The following DGKB variants were observed in gnomAD, a reference collection of about 807,000 sequenced individuals.
The protein encoded by DGKB is diacylglycerol kinase beta.
DGKB carries 67 observed loss-of-function variants against 114.3 expected under a neutral mutation model. The observed-to-expected ratio is 0.59, with a 90% CI of 0.48 to 0.72. The LOEUF is 0.72. Among genes scored for constraint, DGKB ranks in the 30% least tolerant of loss-of-function variants. The pLI is 0.00. For missense variants in DGKB, 907 were observed against 975.2 expected (o/e 0.93, Z 0.93); for synonymous variants, 398 against 323.1 (o/e 1.23, Z -2.49).
chr7:14,611,500 T>A (rs973178258), intron 16 of DGKB, among the ~76,000 whole-genome samples: 1 of 152,168 alleles, frequency 6.6e-6, no homozygotes, highest in Non-Finnish European at 1.5e-5. Context: ...GATCACCTTG[T>A]GAAAGGTGCC....
At chr7:14,639,438 C>T (rs34691158) in intron 13 of DGKB, among the ~76,000 whole-genome samples, 43,200 of 152,134 alleles carry the variant, frequency 0.28, 7,909 homozygotes, top group Non-Finnish European at 0.4. Context: ...TAGCTCAAAG[C>T]AGATCCTTTG....
chr7:14,848,510 T>C (rs999881717), intron 1 of DGKB, among the ~76,000 whole-genome samples: 1 of 152,204 alleles, frequency 6.6e-6, no homozygotes, highest in Non-Finnish European at 1.5e-5. Context: ...AGAGGTATAA[T>C]ATTATCAGTT....
chr7:14,790,684 C>G (rs1840546701), intron 2 of DGKB, among the ~76,000 whole-genome samples: 1 of 152,094 alleles, frequency 6.6e-6, no homozygotes, highest in Non-Finnish European at 1.5e-5. Context: ...CTGCAAATAT[C>G]ACAGGCTTCA....
chr7:14,767,151 G>GA (rs965303515), intron 2 of DGKB, among the ~76,000 whole-genome samples: 199 of 149,704 alleles, frequency 1.3e-3, no homozygotes, highest in African/African-American at 4.5e-3. Context: ...TAAAAAAAGA[G>GA]AAAAAAAACA....
chr7:14,463,921 C>A (rs1833451929), intron 21 of DGKB, among the ~76,000 whole-genome samples: 1 of 151,948 alleles, frequency 6.6e-6, no homozygotes, highest in Non-Finnish European at 1.5e-5. Flanking sequence ...GGACACACAA[C>A]TTACACGTTA....
At chr7:14,727,752 C>T (rs1257199356) in intron 5 of DGKB, among the ~76,000 whole-genome samples, 1 of 152,076 alleles carries the variant, frequency 6.6e-6, no homozygotes, top group African/African-American at 2.4e-5. Context: ...ATTGTGGAAA[C>T]TGAAATAACT....
intron 21 of DGKB, among the ~76,000 whole-genome samples, chr7:14,471,633 A>G (rs146524712): frequency 5.3e-5 from 8 of 151,880 alleles, no homozygotes; most frequent in African/African-American, 1.7e-4. Context: ...CTTGAAGGTT[A>G]TGTACGTAAA....
chr7:14,541,604 A>G (rs1793463137), intron 20 of DGKB, among the ~76,000 whole-genome samples: 1 of 152,238 alleles, frequency 6.6e-6, no homozygotes, highest in Admixed American at 6.5e-5. Context: ...TTATTTTTAG[A>G]GAACCACATA....
intron 23 of DGKB, among the ~76,000 whole-genome samples, chr7:14,186,782 G>A (rs893511642): frequency 2.6e-5 from 4 of 152,090 alleles, no homozygotes; most frequent in South Asian, 2.1e-4. Flanking sequence ...AAAACCAAAC[G>A]TCGTATGTTC....
At chr7:14,359,336 T>C (rs1169294688) in intron 21 of DGKB, among the ~76,000 whole-genome samples, 1 of 152,098 alleles carries the variant, frequency 6.6e-6, no homozygotes, top group African/African-American at 2.4e-5. Flanking sequence ...ATTAAAGACT[T>C]AAATGTTAGA....
intron 1 of DGKB, among the ~76,000 whole-genome samples, chr7:14,944,214 G>T (rs567561748): frequency 4.6e-5 from 7 of 151,918 alleles, no homozygotes; most frequent in Non-Finnish European, 1.0e-4. Context: ...GAGAACTGCA[G>T]AGACTAACCA....
chr7:14,439,141 A>G (rs1829703979), intron 21 of DGKB, among the ~76,000 whole-genome samples: 1 of 152,136 alleles, frequency 6.6e-6, no homozygotes, highest in Admixed American at 6.6e-5. Context: ...AGGAGGAGTT[A>G]CTTTCATTAC....
At chr7:14,200,765 A>G (rs1785744058) in intron 23 of DGKB, among the ~76,000 whole-genome samples, 1 of 152,002 alleles carries the variant, frequency 6.6e-6, no homozygotes, top group South Asian at 2.1e-4. Flanking sequence ...AAAAAACGTA[A>G]TGTAGCATTG....
At chr7:14,299,780 G>C (rs1803193290) in intron 23 of DGKB, among the ~76,000 whole-genome samples, 1 of 152,014 alleles carries the variant, frequency 6.6e-6, no homozygotes, top group Non-Finnish European at 1.5e-5. Context: ...CTCCCACTTT[G>C]TTACACATCC....
At chr7:14,258,174 T>C (rs1241730806) in intron 23 of DGKB, among the ~76,000 whole-genome samples, 1 of 152,222 alleles carries the variant, frequency 6.6e-6, no homozygotes, top group African/African-American at 2.4e-5. Flanking sequence ...TAAGTTTTAT[T>C]CAACATTCAC....
intron 25 of DGKB, among the ~76,000 whole-genome samples, chr7:14,166,051 T>C (rs1398905518): frequency 6.6e-6 from 1 of 152,216 alleles, no homozygotes; most frequent in East Asian, 1.9e-4. Flanking sequence ...CTTTGTTTCA[T>C]GACCTTGGAC....
At chr7:14,621,667 T>G (rs1423600446) in intron 14 of DGKB, among the ~76,000 whole-genome samples, 173 bp from the exon 15 acceptor site, 1 of 152,096 alleles carries the variant, frequency 6.6e-6, no homozygotes, top group Non-Finnish European at 1.5e-5. Flanking sequence ...GCTCAATATA[T>G]ATGATAGCTT....
intron 1 of DGKB, among the ~76,000 whole-genome samples, chr7:14,926,320 T>C (rs1784750552): frequency 6.6e-6 from 1 of 152,056 alleles, no homozygotes; most frequent in Non-Finnish European, 1.5e-5. Flanking sequence ...TTGACTTTCT[T>C]TTCTCATTTA....
At chr7:14,309,243 T>C (rs1804974306) in intron 23 of DGKB, among the ~76,000 whole-genome samples, 1 of 152,104 alleles carries the variant, frequency 6.6e-6, no homozygotes, top group Non-Finnish European at 1.5e-5. Context: ...AAATACTGTT[T>C]TGTTTGCAAT....
Sources: gnomAD v4.1 joint callset for allele counts (sites outside exome capture counted in the v4.1 genomes callset) on GRCh38, gnomAD v4.1.1 for gene constraint, MANE v1.5 for transcripts, NCBI Gene and HGNC (gene_info 2026-07-23, HGNC 2026-07-21) for gene names.